TUSC3: variants seen among roughly 807,000 people sequenced by gnomAD.
TUSC3 encodes the protein tumor suppressor candidate 3.
A neutral mutation model predicts 44.8 loss-of-function variants in TUSC3; 45 were observed. That is an observed-to-expected ratio of 1.00 (90% CI 0.79 to 1.29). TUSC3 has a LOEUF of 1.29. TUSC3 is among the 50% of genes most tolerant of loss of function. TUSC3 has a pLI of 0.00. For missense variants in TUSC3, 519 were observed against 437.9 expected, an observed-to-expected ratio of 1.19 and a Z score of -1.65; for synonymous variants, 212 against 152.9, an observed-to-expected ratio of 1.39 and a Z score of -2.85.
chr8:15,650,868 A>AT (rs1806871433), intron 3 of TUSC3, 54 bp downstream of exon 3: 1 of 1,563,250 alleles, frequency 6.4e-7, no homozygotes, highest in African/African-American at 1.4e-5. Flanking sequence ...TGGTCGATAC[A>AT]TTTTTGTTTG....
chr8:15,573,418 G>A (rs953575420), intron 1 of TUSC3, among the ~76,000 whole-genome samples: 11 of 151,714 alleles, frequency 7.3e-5, no homozygotes, highest in Non-Finnish European at 1.0e-4. Context: ...GGTGGGAATG[G>A]CTAGGTTGGC....
chr8:15,789,081 C>T, the TUSC3 span, among the ~76,000 whole-genome samples: 1 of 152,180 alleles, frequency 6.6e-6, no homozygotes, highest in African/African-American at 2.4e-5. Flanking sequence ...TCCGTGTCGT[C>T]ATTCAAGCAT....
At chr8:15,845,871 A>G in the TUSC3 span, among the ~76,000 whole-genome samples, 2 of 152,158 alleles carry the variant, frequency 1.3e-5, no homozygotes, top group African/African-American at 2.4e-5. Context: ...GCTGCTCATG[A>G]AGACATACCT....
chr8:15,848,617 T>C, the TUSC3 span, among the ~76,000 whole-genome samples: 1 of 152,156 alleles, frequency 6.6e-6, no homozygotes, highest in African/African-American at 2.4e-5. Flanking sequence ...TTCTTGGCTC[T>C]GTGTGGGTGA....
At chr8:15,714,745 T>C (rs902227716) in intron 6 of TUSC3, among the ~76,000 whole-genome samples, 14 of 152,166 alleles carry the variant, frequency 9.2e-5, no homozygotes, top group African/African-American at 2.4e-4. Flanking sequence ...GTAAACTTAA[T>C]TGAGAAGATG....
At chr8:15,434,707 C>T (rs1418279191) in intron 1 of TUSC3, among the ~76,000 whole-genome samples, 1 of 151,690 alleles carries the variant, frequency 6.6e-6, no homozygotes, top group Non-Finnish European at 1.5e-5. Context: ...CACAACAGGC[C>T]CCGGTGTGTG....
chr8:15,475,402 A>G (rs1325188106), intron 1 of TUSC3, among the ~76,000 whole-genome samples: 1 of 152,110 alleles, frequency 6.6e-6, no homozygotes, highest in Admixed American at 6.6e-5. Context: ...AGATCTTTTT[A>G]AGTAGTCTCA....
intron 1 of TUSC3, among the ~76,000 whole-genome samples, chr8:15,605,373 T>G (rs1804476424): frequency 6.6e-6 from 1 of 151,920 alleles, no homozygotes; most frequent in Non-Finnish European, 1.5e-5. Context: ...GCACCACAGG[T>G]AAAAATTTCA....
chr8:15,741,552 G>T (rs1225335106), intron 7 of TUSC3, among the ~76,000 whole-genome samples: 2 of 152,058 alleles, frequency 1.3e-5, no homozygotes, highest in African/African-American at 4.8e-5. Flanking sequence ...GGGCATGGCG[G>T]TGCACTCCTG....
the TUSC3 span, among the ~76,000 whole-genome samples, chr8:15,787,266 A>C: frequency 3.3e-5 from 5 of 152,196 alleles, no homozygotes; most frequent in African/African-American, 1.2e-4. Flanking sequence ...CTATTTTTAC[A>C]ATCAGCATCA....
chr8:15,577,453 T>C (rs143612259), intron 1 of TUSC3, among the ~76,000 whole-genome samples: 3,546 of 150,810 alleles, frequency 0.024, 165 homozygotes, highest in East Asian at 0.2. Context: ...TTAGCTCTAA[T>C]GTTTAAATCT....
At chr8:15,463,308 G>A (rs773706568) in intron 1 of TUSC3, among the ~76,000 whole-genome samples, 5 of 152,042 alleles carry the variant, frequency 3.3e-5, no homozygotes, top group African/African-American at 1.2e-4. Flanking sequence ...TAAATTAGAG[G>A]AGTCCGTCAT....
the TUSC3 span, among the ~76,000 whole-genome samples, chr8:15,793,411 G>A: frequency 1.3e-5 from 2 of 152,130 alleles, no homozygotes; most frequent in South Asian, 4.1e-4. Context: ...TTCCACCTCA[G>A]GGCCTTTGCA....
rs567111322 is a variant in TUSC3, at chr8:15,764,717, G to T, written c.*561G>T. On this transcript the variant is annotated 3_prime_UTR_variant, in exon 11 of 11. Transcript: ENST00000503731. ...ACTAGATAAAGGTATATAGGACAGG[G>T]AACTGGATGAATGGTACCTACAATT... The T allele has an allele frequency of 6.5e-6, 1 of 154,206 alleles. No individual in the cohort carries two copies. Among genetic ancestry groups the T allele is most frequent in the East Asian group, 1.9e-4 (1 of 5,302 alleles). The allele number at this position is 154,206 out of a possible 1,614,324, so 9.6% of individuals were successfully genotyped here.
At chr8:15,608,849 T>G (rs951002765) in intron 1 of TUSC3, among the ~76,000 whole-genome samples, 1 of 152,208 alleles carries the variant, frequency 6.6e-6, no homozygotes, top group Non-Finnish European at 1.5e-5. Context: ...TGGATATTTC[T>G]TTATAGCAGT....
intron 2 of TUSC3, among the ~76,000 whole-genome samples, chr8:15,641,948 G>C (rs28444501): frequency 0.18 from 27,381 of 152,174 alleles, 2,431 homozygotes; most frequent in South Asian, 0.27. Flanking sequence ...TGACTGTGGT[G>C]GTGGTAACAT....
chr8:15,447,072 G>T (rs538904278), intron 1 of TUSC3, among the ~76,000 whole-genome samples: 2 of 151,790 alleles, frequency 1.3e-5, no homozygotes, highest in South Asian at 4.2e-4. Flanking sequence ...AATAGGATAA[G>T]ATAATGAGAA....
At chr8:15,481,051 C>T (rs1225233923) in intron 1 of TUSC3, among the ~76,000 whole-genome samples, 1 of 151,934 alleles carries the variant, frequency 6.6e-6, no homozygotes, top group African/African-American at 2.4e-5. Context: ...AGTTCGAGAC[C>T]AGCCTGACCA....
chr8:15,843,924 A>G, the TUSC3 span, among the ~76,000 whole-genome samples: 1 of 152,112 alleles, frequency 6.6e-6, no homozygotes, highest in Admixed American at 6.5e-5. Flanking sequence ...CTGTATTTGT[A>G]GCATTTGTGT....
Sources: gnomAD v4.1 joint callset for allele counts (sites outside exome capture counted in the v4.1 genomes callset) on GRCh38, gnomAD v4.1.1 for gene constraint, MANE v1.5 for transcripts, NCBI Gene and HGNC (gene_info 2026-07-23, HGNC 2026-07-21) for gene names.